HTR2C: variants seen among roughly 807,000 people sequenced by gnomAD.
HTR2C encodes 5-hydroxytryptamine receptor 2C.
Under a neutral mutation model 21.0 loss-of-function variants are expected in HTR2C, and 5 were observed. That is an observed-to-expected ratio of 0.24 (90% CI 0.12 to 0.50). The LOEUF (loss-of-function observed/expected upper bound fraction) is 0.50. Ranked by LOEUF, HTR2C falls within the 20% of genes least tolerant of loss-of-function variation. HTR2C has a pLI of 0.98. For synonymous variants in HTR2C, 150 were observed against 145.3 expected, an observed-to-expected ratio of 1.03 and a Z score of -0.23; for missense variants, 271 against 371.2, an observed-to-expected ratio of 0.73 and a Z score of 2.22.
intron 5 of HTR2C, among the ~76,000 whole-genome samples, chrX:114,890,536 T>C (rs932753977): frequency 5.3e-5 from 6 of 112,337 alleles, no homozygotes; most frequent in African/African-American, 1.9e-4. Flanking sequence ...ATAGTGCATA[T>C]CTGCAATCAA....
chrX:114,904,091 G>A (rs1387636072), intron 5 of HTR2C, among the ~76,000 whole-genome samples: 2 of 111,963 alleles, frequency 1.8e-5, no homozygotes, highest in East Asian at 2.8e-4. Context: ...GCTCTGGAAG[G>A]AATCACTTCC....
At chrX:114,858,848 T>A (rs782144730) in intron 5 of HTR2C, among the ~76,000 whole-genome samples, 1 of 111,082 alleles carries the variant, frequency 9.0e-6, no homozygotes, top group African/African-American at 3.3e-5. Flanking sequence ...AATTCCCTTT[T>A]ATTCTATATT....
chrX:114,740,932 A>G (rs2069638731), intron 4 of HTR2C, among the ~76,000 whole-genome samples: 1 of 111,570 alleles, frequency 9.0e-6, no homozygotes, highest in Admixed American at 9.5e-5. Flanking sequence ...CAGATTTCTC[A>G]CTGTTGCATA....
chrX:114,789,350 G>A lies in HTR2C; in HGVS notation c.349+57743G>A, dbSNP rs1027402348. On this transcript the variant is annotated intron_variant, in intron 4 of 5. Coordinates refer to ENST00000276198, the MANE Select transcript of HTR2C (RefSeq NM_000868.4). ...ATCATACTTTACACTTACAAGGAAC[G>A]GAATATCCTCGTGCTTCTCACTGAC... Among the ~76,000 whole-genome samples, 8 of 111,545 alleles carry A rather than the reference G, an allele frequency of 7.2e-5. No individual in the cohort carries two copies. The East Asian group carries it at 1.1e-3, about 16-fold the overall frequency.
At chrX:114,809,818 C>A (rs1342579088) in intron 4 of HTR2C, among the ~76,000 whole-genome samples, 2 of 111,096 alleles carry the variant, frequency 1.8e-5, no homozygotes, top group African/African-American at 6.5e-5. Flanking sequence ...CTTTACTGTT[C>A]CCTCTCCTTT....
At chrX:114,861,710 G>A (rs1230175022) in intron 5 of HTR2C, among the ~76,000 whole-genome samples, 1 of 110,703 alleles carries the variant, frequency 9.0e-6, no homozygotes, top group Admixed American at 9.6e-5. Context: ...TAACGGTTTT[G>A]ACTTGCATCC....
At chrX:114,724,809 A>G (rs782155518) in intron 2 of HTR2C, among the ~76,000 whole-genome samples, 1 of 102,262 alleles carries the variant, frequency 9.8e-6, no homozygotes, top group East Asian at 3.2e-4. Flanking sequence ...TTCTGGGTTG[A>G]AAATTCCTTT....
At chrX:114,642,763 G>A (rs782184281) in intron 2 of HTR2C, among the ~76,000 whole-genome samples, 1 of 110,414 alleles carries the variant, frequency 9.1e-6, no homozygotes, top group Non-Finnish European at 1.9e-5. Context: ...GTGTGATCTT[G>A]TAATTTAGGG....
Position 114,775,013 on chromosome X carries a change from C to A in HTR2C, c.349+43406C>A, listed in dbSNP as rs782213841. The A allele has an allele frequency of 9.5e-5, 46 of 483,887 alleles. No homozygotes were observed. In the African/African-American group the frequency reaches 9.9e-4, roughly 10 times the overall value. The allele number at this position is 483,887 out of a possible 1,213,427, so 39.9% of individuals were successfully genotyped here. On this transcript the variant is annotated intron_variant, in intron 4 of 5. Coordinates refer to ENST00000276198, the MANE Select transcript of HTR2C (RefSeq NM_000868.4). ...TGTTCAAATTCTTCCTTCTTAGCAGCCTGATTCTTATCCAGCCATTTGATA... is the reference window on the plus strand; with the variant it reads ...TGTTCAAATTCTTCCTTCTTAGCAGACTGATTCTTATCCAGCCATTTGATA...
chrX:114,712,352 C>G (rs782335023), intron 2 of HTR2C, among the ~76,000 whole-genome samples: 1 of 111,856 alleles, frequency 8.9e-6, no homozygotes, highest in East Asian at 2.8e-4. Context: ...TCATAAATTT[C>G]CTGAGCAAAC....
chrX:114,597,271 A>G (rs1457814845), intron 1 of HTR2C, among the ~76,000 whole-genome samples: 1 of 108,807 alleles, frequency 9.2e-6, no homozygotes, highest in Non-Finnish European at 1.9e-5. Context: ...GCTAAATTAT[A>G]CCCGACATTG....
chrX:114,872,275 C>T (rs1029203909), intron 5 of HTR2C, among the ~76,000 whole-genome samples: 1 of 104,626 alleles, frequency 9.6e-6, no homozygotes, highest in African/African-American at 3.4e-5. Context: ...GATTGATTTC[C>T]TCTATTGGTT....
intron 2 of HTR2C, among the ~76,000 whole-genome samples, chrX:114,659,815 A>G (rs185677769): frequency 1.1e-4 from 12 of 111,729 alleles, no homozygotes; most frequent in Non-Finnish European, 1.7e-4. Flanking sequence ...TTATCTTCCA[A>G]TGATAATTTC....
intron 4 of HTR2C, among the ~76,000 whole-genome samples, chrX:114,798,570 G>T (rs989800877): frequency 9.0e-6 from 1 of 111,530 alleles, no homozygotes; most frequent in Non-Finnish European, 1.9e-5. Flanking sequence ...GTTAGCAGAA[G>T]GCTGCATAAC....
intron 2 of HTR2C, among the ~76,000 whole-genome samples, chrX:114,641,799 G>A (rs782692068): frequency 1.8e-5 from 2 of 110,889 alleles, no homozygotes; most frequent in Non-Finnish European, 3.8e-5. Context: ...ATAGGTACAC[G>A]TGTGCCATGG....
rs782330638 is a variant in HTR2C at position 114,856,792 on chromosome X, T to A, written c.550+8589T>A. ...AGTGGCTTCTTTCCCCAAAAGTACA[T>A]AGTGATAAAGAATACAATAACTTCT... is the stretch of plus-strand genomic sequence containing the variant. On this transcript the variant is annotated intron_variant, in intron 5 of 5. Transcript: ENST00000276198. 2.7e-5 allele frequency among the ~76,000 whole-genome samples: 3 copies of A among 111,663 alleles called. No individual in the cohort carries two copies. In the East Asian group the frequency reaches 8.5e-4, roughly 32 times the overall value.
intron 2 of HTR2C, among the ~76,000 whole-genome samples, chrX:114,673,804 C>G (rs1931462742): frequency 9.0e-6 from 1 of 111,292 alleles, no homozygotes; most frequent in Admixed American, 9.6e-5. Context: ...ATGAGCAATG[C>G]AATTAAGTGA....
chrX:114,758,267 G>A lies in HTR2C; in HGVS notation c.349+26660G>A, dbSNP rs138341937. Among the ~76,000 whole-genome samples the A allele has an allele frequency of 5.2e-3, 577 of 111,489 alleles. 5 individuals are homozygous for A. The highest frequency in any genetic ancestry group is 0.018 in the African/African-American group (555 of 30,709). On this transcript the variant is annotated intron_variant, in intron 4 of 5. Transcript: ENST00000276198. ...ATAATGATGAATGTCAAACTTAAAG[G>A]TGTTTGTTATCTGGCTGGGCATGGT...
At chrX:114,626,398 A>AG (rs1929380815) in intron 2 of HTR2C, among the ~76,000 whole-genome samples, 1 of 2,772 alleles carries the variant, frequency 3.6e-4, no homozygotes. Flanking sequence ...CAAAAAAAAA[A>AG]AAAGAAAAAA....
Sources: gnomAD v4.1 joint callset for allele counts (sites outside exome capture counted in the v4.1 genomes callset) on GRCh38, gnomAD v4.1.1 for gene constraint, MANE v1.5 for transcripts, NCBI Gene and HGNC (gene_info 2026-07-23, HGNC 2026-07-21) for gene names.